Variants in PTPN21 observed in about 807,000 individuals in gnomAD.
PTPN21 encodes the protein tyrosine-protein phosphatase non-receptor type 21.
In PTPN21, 77 loss-of-function variants were observed where a neutral mutation model predicts 131.8. The observed-to-expected ratio is 0.58, with a 90% CI of 0.49 to 0.71. The LOEUF (loss-of-function observed/expected upper bound fraction) is 0.71, where lower values mean the gene tolerates loss of function less well. Ranked by LOEUF, PTPN21 falls within the 30% of genes least tolerant of loss-of-function variation. The probability of loss-of-function intolerance (pLI) is 0.00; values close to 1 mark genes in which losing one functional copy is unlikely to be tolerated. For missense variants in PTPN21, 1,552 were observed against 1,527.1 expected (o/e 1.02, Z -0.27); for synonymous variants, 715 against 621.3 (o/e 1.15, Z -2.24).
At chr14:88,540,343 G>A (rs2078688401) in intron 2 of PTPN21, among the ~76,000 whole-genome samples, 1 of 152,204 alleles carries the variant, frequency 6.6e-6, no homozygotes, top group African/African-American at 2.4e-5. Flanking sequence ...AAAGCAACTA[G>A]CACAGGGCAT....
intron 2 of PTPN21, among the ~76,000 whole-genome samples, chr14:88,545,976 A>G (rs1416103322): frequency 6.8e-6 from 1 of 147,940 alleles, no homozygotes; most frequent in East Asian, 2.0e-4. Flanking sequence ...TGGGCGATAG[A>G]GCGAGACTCT....
intron 2 of PTPN21, 61 bp from the exon 3 acceptor site, chr14:88,517,322 A>G: frequency 6.4e-7 from 1 of 1,558,310 alleles, no homozygotes; most frequent in South Asian, 1.1e-5. Flanking sequence ...CAATGACTTC[A>G]GTCGCACTAA....
At chr14:88,527,353 C>T (rs549310605) in intron 2 of PTPN21, among the ~76,000 whole-genome samples, 1 of 152,160 alleles carries the variant, frequency 6.6e-6, no homozygotes, top group Non-Finnish European at 1.5e-5. Flanking sequence ...GCCATTATTG[C>T]AGGAGTAAGG....
In PTPN21 at chr14:88,507,947, G is replaced by T; in HGVS notation, c.424C>A (p.Gln142Lys). 6.2e-7 allele frequency: 1 copy of T among 1,604,854 alleles called. No individual in the cohort carries two copies. Among genetic ancestry groups the T allele is most frequent in the South Asian group, 1.1e-5 (1 of 90,134 alleles). The change falls in exon 4 of 19, where the codon CAG (glutamine) becomes AAG (lysine). Residue 142 changes from glutamine to lysine, a missense_variant. Coordinates refer to ENST00000556564, the MANE Select transcript of PTPN21 (RefSeq NM_007039.4). ...CCTTGAACAGCTAAGCCTGCTAGCTGAATTGCTTGTTCTAAGGTACAAGGA... is the reference window on the plus strand; with the variant it reads ...CCTTGAACAGCTAAGCCTGCTAGCTTAATTGCTTGTTCTAAGGTACAAGGA... ...SIPCTLEQAI[Q>K]LAGLAVQADF...
chr14:88,502,000 A>G (rs2078016325), intron 6 of PTPN21, among the ~76,000 whole-genome samples: 1 of 152,064 alleles, frequency 6.6e-6, no homozygotes, highest in South Asian at 2.1e-4. Context: ...TAAAAACAAC[A>G]AAATATGAGG....
chr14:88,538,756 A>C (rs573203545), intron 2 of PTPN21, among the ~76,000 whole-genome samples: 1 of 152,080 alleles, frequency 6.6e-6, no homozygotes, highest in South Asian at 2.1e-4. Context: ...AGTCAGAACT[A>C]CTCTAGCTGT....
rs560530119 is a variant in PTPN21 at position 88,479,225 on chromosome 14, G to A, written c.2206C>T (p.Arg736Trp). 2.6e-5 allele frequency: 41 copies of A among 1,602,834 alleles called. No individual in the cohort carries two copies. Among genetic ancestry groups the A allele is most frequent in the Admixed American group, 5.1e-5 (3 of 58,566 alleles). The change falls in exon 13 of 19, where the codon CGG becomes TGG. Residue 736 changes from arginine (R) to tryptophan (W), a missense_variant. Coordinates refer to ENST00000556564, the MANE Select transcript of PTPN21 (RefSeq NM_007039.4). ...GGTGGGTCCTGGGCCAGGCCGGGCCGAGGCTCGCGCGCACGTGCAGGAGGC... is the reference window on the plus strand; with the variant it reads ...GGTGGGTCCTGGGCCAGGCCGGGCCAAGGCTCGCGCGCACGTGCAGGAGGC... ...RAPPARAREP[R>W]PGLAQDPPGC... is the part of the protein sequence containing the mutation.
At chr14:88,483,735 TC>T (rs1187715759) in intron 12 of PTPN21, among the ~76,000 whole-genome samples, 1 of 152,124 alleles carries the variant, frequency 6.6e-6, no homozygotes, top group East Asian at 1.9e-4. Context: ...AATCCACCCA[TC>T]TTTTCAGATA....
At chr14:88,500,998 G>A in intron 7 of PTPN21, 127 bp from the exon 8 acceptor site, 2 of 703,534 alleles carry the variant, frequency 2.8e-6, no homozygotes, top group East Asian at 2.6e-5. Flanking sequence ...TATTCAGGAA[G>A]ACAAAAGTCT....
chr14:88,472,898 A>G (rs2140086166), intron 14 of PTPN21, among the ~76,000 whole-genome samples: 1 of 152,352 alleles, frequency 6.6e-6, no homozygotes, highest in East Asian at 1.9e-4. Flanking sequence ...TAAAATTTTA[A>G]AAAGCCACAA....
chr14:88,532,364 T>G (rs553272323), intron 2 of PTPN21, among the ~76,000 whole-genome samples: 3 of 152,140 alleles, frequency 2.0e-5, no homozygotes, highest in Non-Finnish European at 4.4e-5. Context: ...TTCAGTTCAT[T>G]AAGTCTAAGA....
At chr14:88,500,635 T>C (rs1158839288) in intron 8 of PTPN21, 148 bp downstream of exon 8, 1 of 618,802 alleles carries the variant, frequency 1.6e-6, no homozygotes, top group Non-Finnish European at 2.9e-6. Context: ...TGCATTCAGA[T>C]GGTATTTTTT....
chr14:88,535,426 A>G (rs950215009), intron 2 of PTPN21, among the ~76,000 whole-genome samples: 2 of 152,202 alleles, frequency 1.3e-5, no homozygotes, highest in Admixed American at 6.5e-5. Flanking sequence ...ATTTGCAGGC[A>G]AAAGGCTCGG....
At chr14:88,489,117 C>T (rs1027017377) in intron 10 of PTPN21, among the ~76,000 whole-genome samples, 2 of 152,100 alleles carry the variant, frequency 1.3e-5, no homozygotes, top group African/African-American at 4.8e-5. Flanking sequence ...GCTCCCCAAC[C>T]CCAACTAATC....
In PTPN21 at chr14:88,479,471, C is replaced by T. The variant is rs2077603745; in HGVS notation, c.1960G>A (p.Glu654Lys). ...GCCGCCGACGCGGATAGGGTGCGCT[C>T]CTTGAGCCGCAGGCCCTCCAGGCCG... ...SHGLEGLRLK[E>K]RTLSASAAEV... is the part of the protein sequence containing the mutation. Residue 654 changes from glutamate (E) to lysine (K), a missense_variant, in exon 13 of 19, where the codon GAG becomes AAG. Glu to Lys is a moderately conservative substitution (Grantham distance 56). Transcript: ENST00000556564. 1.2e-6 allele frequency: 2 copies of T among 1,602,250 alleles called. No homozygotes were observed. The highest frequency in any genetic ancestry group is 1.1e-5 in the South Asian group (1 of 90,994).
chr14:88,479,251 G>C lies in PTPN21; in HGVS notation c.2180C>G (p.Ala727Gly). ...AGGCTCGCGCGCACGTGCAGGAGGC[G>C]CCCGGGCCCCGCTCTCCTCCTCGAA... is the stretch of plus-strand genomic sequence containing the variant. ...EDFEEESGAR[A>G]PPARAREPRP... The change falls in exon 13 of 19, where the codon GCG (alanine) becomes GGG (glycine). Residue 727 changes from alanine (A) to glycine (G), a missense_variant. Transcript: ENST00000556564. 1 of 1,611,002 alleles carries C rather than the reference G, an allele frequency of 6.2e-7. No homozygotes were observed. The highest frequency in any genetic ancestry group is 8.5e-7 in the Non-Finnish European group (1 of 1,178,660).
rs141627358 is a variant in PTPN21, at chr14:88,498,947, C to T, written c.765-1657G>A. On this transcript the variant is annotated intron_variant, in intron 8 of 18. Transcript: ENST00000556564. ...GTATTAAAATAAAATCAACTTAGTA[C>T]GGATTCCGTTGTTTGTTAAATCTAA... Among the ~76,000 whole-genome samples, 1,305 of 152,210 alleles carry T rather than the reference C, an allele frequency of 8.6e-3. 11 individuals carry two copies. Among genetic ancestry groups the T allele is most frequent in the Middle Eastern group, 0.024 (7 of 294 alleles).
chr14:88,528,918 A>G (rs1275208602), intron 2 of PTPN21, among the ~76,000 whole-genome samples: 1 of 152,194 alleles, frequency 6.6e-6, no homozygotes, highest in South Asian at 2.1e-4. Flanking sequence ...CGTTCATATC[A>G]TCAGTGAATA....
chr14:88,539,250 ATTT>A (rs57117892), intron 2 of PTPN21, among the ~76,000 whole-genome samples: 128 of 120,288 alleles, frequency 1.1e-3, no homozygotes, highest in African/African-American at 3.7e-3. Flanking sequence ...CGCCCGGTTA[ATTT>A]TTTTTTTTTT....
Sources: allele counts gnomAD v4.1 joint callset (sites outside exome capture counted in the v4.1 genomes callset), GRCh38; gene constraint gnomAD v4.1.1; transcripts MANE v1.5; gene names NCBI Gene and HGNC (gene_info 2026-07-23, HGNC 2026-07-21).